The following DPP10 variants were observed in gnomAD, a reference collection of about 807,000 sequenced individuals.
DPP10 encodes inactive dipeptidyl peptidase 10.
DPP10 carries 33 observed loss-of-function variants against 120.9 expected under a neutral mutation model. That is an observed-to-expected ratio of 0.27 (90% confidence interval 0.21 to 0.37). The LOEUF (loss-of-function observed/expected upper bound fraction) is 0.37. Among genes scored for constraint, DPP10 ranks in the 10% least tolerant of loss-of-function variants. The probability of loss-of-function intolerance (pLI) is 1.00; values close to 1 mark genes in which losing one functional copy is unlikely to be tolerated. For synonymous variants in DPP10, 337 were observed against 326.1 expected (o/e 1.03, Z -0.36); for missense variants, 816 against 942.8 (o/e 0.87, Z 1.76).
intron 3 of DPP10, among the ~76,000 whole-genome samples, chr2:115,471,537 T>A (rs2074716462): frequency 6.6e-6 from 1 of 152,040 alleles, no homozygotes; most frequent in Non-Finnish European, 1.5e-5. Flanking sequence ...TGAAAACCAC[T>A]TTCAGTTTGT....
Position 115,259,406 on chromosome 2 carries a change from C to T in DPP10, c.61-49833C>T, listed in dbSNP as rs2059149548. On this transcript the variant is annotated intron_variant, in intron 1 of 25. Coordinates refer to ENST00000410059, the MANE Select transcript of DPP10 (RefSeq NM_020868.6). ...GGCTGAGGCATGAGAATCACTTGAA[C>T]CCGGGAGGCGGAGGTTGCAGTGAGC... 2.6e-5 allele frequency among the ~76,000 whole-genome samples: 4 copies of T among 152,020 alleles called. No homozygotes were observed. The South Asian group carries it at 8.3e-4, about 32-fold the overall frequency.
intron 13 of DPP10, among the ~76,000 whole-genome samples, chr2:115,772,509 TA>T (rs1681596886): frequency 6.6e-6 from 1 of 152,158 alleles, no homozygotes; most frequent in African/African-American, 2.4e-5. Flanking sequence ...AAATATTAAA[TA>T]AAACTATGGC....
intron 10 of DPP10, among the ~76,000 whole-genome samples, chr2:115,751,412 A>C (rs1296883056): frequency 6.6e-6 from 1 of 152,182 alleles, no homozygotes; most frequent in Admixed American, 6.5e-5. Context: ...AGCCAGCTGC[A>C]TATTTGATTC....
At chr2:115,503,018 CTTATGCAT>C (rs1360605639) in intron 4 of DPP10, among the ~76,000 whole-genome samples, 1 of 151,980 alleles carries the variant, frequency 6.6e-6, no homozygotes, top group Non-Finnish European at 1.5e-5. Context: ...GAATATATAT[CTTATGCAT>C]TAATATGAAA....
intron 3 of DPP10, among the ~76,000 whole-genome samples, chr2:115,486,926 G>A (rs1475328966): frequency 6.6e-6 from 1 of 152,050 alleles, no homozygotes; most frequent in Non-Finnish European, 1.5e-5. Flanking sequence ...CCATTCATAG[G>A]ATCGGCACTT....
At chr2:115,447,466 G>A (rs2072712786) in intron 3 of DPP10, among the ~76,000 whole-genome samples, 1 of 152,100 alleles carries the variant, frequency 6.6e-6, no homozygotes, top group Non-Finnish European at 1.5e-5. Flanking sequence ...GGAGGGGCTA[G>A]GGGTGGAATG....
chr2:115,079,431 C>T (rs17686252), intron 1 of DPP10, among the ~76,000 whole-genome samples: 1 of 151,670 alleles, frequency 6.6e-6, no homozygotes, highest in Non-Finnish European at 1.5e-5. Flanking sequence ...GGATGACAGA[C>T]AAACTAGGAC....
chr2:114,620,722 T>G (rs1573810297), intron 1 of DPP10, among the ~76,000 whole-genome samples: 1 of 152,170 alleles, frequency 6.6e-6, no homozygotes, highest in East Asian at 1.9e-4. Context: ...ATTCAAAACT[T>G]CAGAGTTTTG....
intron 1 of DPP10, among the ~76,000 whole-genome samples, chr2:115,159,359 G>A (rs996525546): frequency 3.9e-5 from 6 of 152,196 alleles, no homozygotes; most frequent in Non-Finnish European, 5.9e-5. Flanking sequence ...TTGGGAGGCT[G>A]AGGCAGGAGA....
Position 115,215,830 on chromosome 2 carries a change from A to G in DPP10, c.61-93409A>G, listed in dbSNP as rs550366010. 3.3e-5 allele frequency among the ~76,000 whole-genome samples: 5 copies of G among 152,326 alleles called. No individual in the cohort carries two copies. The South Asian group carries it at 1.0e-3, about 32-fold the overall frequency. On this transcript the variant is annotated intron_variant, in intron 1 of 25. Coordinates refer to ENST00000410059, the MANE Select transcript of DPP10 (RefSeq NM_020868.6). ...GGTATCTACCCCCACAGAACTAATC[A>G]TGGTATCAAAAACACCTCCATTCAT...
At chr2:115,721,449 T>C (rs540037695) in intron 7 of DPP10, among the ~76,000 whole-genome samples, 13 of 152,332 alleles carry the variant, frequency 8.5e-5, no homozygotes, top group Non-Finnish European at 1.6e-4. Context: ...CAAAAATTAA[T>C]GTTGGTACTT....
At chr2:114,815,108 C>T (rs902339773) in intron 1 of DPP10, among the ~76,000 whole-genome samples, 4 of 152,204 alleles carry the variant, frequency 2.6e-5, no homozygotes, top group Non-Finnish European at 5.9e-5. Context: ...TCACTTTCCC[C>T]ACCTGGGATG....
chr2:114,727,990 C>A (rs1574054658), intron 1 of DPP10, among the ~76,000 whole-genome samples: 1 of 152,174 alleles, frequency 6.6e-6, no homozygotes, highest in East Asian at 1.9e-4. Flanking sequence ...CTTAATATCC[C>A]CATGATCAAA....
intron 3 of DPP10, among the ~76,000 whole-genome samples, chr2:115,455,381 G>A (rs7606033): frequency 0.14 from 21,478 of 151,840 alleles, 3,330 homozygotes; most frequent in African/African-American, 0.38. Flanking sequence ...TAAGAAAATG[G>A]CCATACTGCC....
rs1679907762 is a variant in DPP10 at position 115,759,941 on chromosome 2, G to A, written c.1075-2631G>A. ...AGAGAATTGCTTGAACCTGGGAAGT[G>A]GAGGTTGCTGTGAGCCAAGATCATT... On this transcript the variant is annotated intron_variant, in intron 11 of 25. Transcript: ENST00000410059. Among the ~76,000 whole-genome samples the A allele has an allele frequency of 2.0e-5, 3 of 151,960 alleles. No individual in the cohort carries two copies. In the South Asian group the frequency reaches 6.2e-4, roughly 31 times the overall value.
At chr2:115,181,462 A>AT (rs1491460762) in intron 1 of DPP10, among the ~76,000 whole-genome samples, 1 of 152,152 alleles carries the variant, frequency 6.6e-6, no homozygotes, top group Non-Finnish European at 1.5e-5. Flanking sequence ...GACTTCACTC[A>AT]TATGTCTTGT....
chr2:114,862,276 A>G (rs1689867234), intron 1 of DPP10, among the ~76,000 whole-genome samples: 1 of 374 alleles, frequency 2.7e-3, no homozygotes, highest in Admixed American at 0.056. Flanking sequence ...TCCAAGTGGA[A>G]AAAAAAAAAT....
At position 115,016,214 on chromosome 2, in the gene DPP10, A is replaced by G. The variant is rs186644219; in HGVS notation, c.61-293025A>G. On this transcript the variant is annotated intron_variant, in intron 1 of 25. Transcript: ENST00000410059. Reference sequence around the variant, plus strand: ...GAAATAATGCCACATATCTACAACCATCTGATCTTTGACCAGCCTGACGAA... The same window carrying G: ...GAAATAATGCCACATATCTACAACCGTCTGATCTTTGACCAGCCTGACGAA... 7.0e-4 allele frequency among the ~76,000 whole-genome samples: 107 copies of G among 152,314 alleles called. 1 individual carries two copies. The East Asian group carries it at 0.02, about 28-fold the overall frequency.
chr2:114,858,476 G>T (rs1326452886), intron 1 of DPP10, among the ~76,000 whole-genome samples: 1 of 152,220 alleles, frequency 6.6e-6, no homozygotes, highest in South Asian at 2.1e-4. Flanking sequence ...TCTGTCAAAA[G>T]AGGTTGATTG....
Sources: gnomAD v4.1 joint callset for allele counts (sites outside exome capture counted in the v4.1 genomes callset) on GRCh38, gnomAD v4.1.1 for gene constraint, MANE v1.5 for transcripts, NCBI Gene and HGNC (gene_info 2026-07-23, HGNC 2026-07-21) for gene names.